Variants in AMMECR1 observed in about 807,000 individuals in gnomAD.
AMMECR1 encodes AMMECR nuclear protein 1.
Under a neutral mutation model 22.5 loss-of-function variants are expected in AMMECR1, and 3 were observed. The observed-to-expected ratio is 0.13, with a 90% CI of 0.06 to 0.35. The LOEUF is 0.35. Ranked by LOEUF, AMMECR1 falls within the 10% of genes least tolerant of loss-of-function variation. The probability of loss-of-function intolerance (pLI) is 1.00; values close to 1 mark genes in which losing one functional copy is unlikely to be tolerated. For synonymous variants in AMMECR1, 130 were observed against 116.7 expected, an observed-to-expected ratio of 1.11 and a Z score of -0.74; for missense variants, 235 against 278.7, an observed-to-expected ratio of 0.84 and a Z score of 1.12.
At chrX:110,384,241 G>A (rs886815380) in intron 2 of AMMECR1, among the ~76,000 whole-genome samples, 5 of 110,976 alleles carry the variant, frequency 4.5e-5, no homozygotes, top group Non-Finnish European at 9.4e-5. Context: ...CTGGTGTTAA[G>A]TATGGGCTCA....
chrX:110,397,999 T>C (rs1402346573), intron 2 of AMMECR1, among the ~76,000 whole-genome samples: 1 of 112,196 alleles, frequency 8.9e-6, no homozygotes, highest in Non-Finnish European at 1.9e-5. Flanking sequence ...TACCTGCAAG[T>C]CTTAGCATCC....
intron 2 of AMMECR1, among the ~76,000 whole-genome samples, chrX:110,232,889 C>CAAAAA (rs775605567): frequency 4.2e-4 from 5 of 11,920 alleles, no homozygotes; most frequent in African/African-American, 8.7e-4. Flanking sequence ...GACTCAGTCT[C>CAAAAA]AAAAAAAAAA....
intron 2 of AMMECR1, among the ~76,000 whole-genome samples, chrX:110,241,594 T>G (rs988406718): frequency 4.6e-5 from 5 of 109,689 alleles, no homozygotes; most frequent in African/African-American, 1.7e-4. Context: ...CTCACTCACA[T>G]GTAGGAGTTG....
chrX:110,334,711 C>T (rs1015397762), intron 2 of AMMECR1, among the ~76,000 whole-genome samples: 2 of 112,129 alleles, frequency 1.8e-5, no homozygotes, highest in Non-Finnish European at 3.8e-5. Context: ...CCATTATGAA[C>T]TACATCTTCA....
At chrX:110,422,679 T>C (rs978454738) in intron 2 of AMMECR1, among the ~76,000 whole-genome samples, 28 of 112,349 alleles carry the variant, frequency 2.5e-4, no homozygotes, top group Non-Finnish European at 4.1e-4. Context: ...ACAACCTTGT[T>C]GGGTCTCTTG....
At chrX:110,206,353 A>G (rs1416536836) in intron 3 of AMMECR1, among the ~76,000 whole-genome samples, 1 of 112,224 alleles carries the variant, frequency 8.9e-6, no homozygotes, top group Non-Finnish European at 1.9e-5. Context: ...ATTTAAAACT[A>G]TTATCCTCTA....
chrX:110,250,108 ATCATT>A (rs753276545), intron 2 of AMMECR1, among the ~76,000 whole-genome samples: 8 of 112,396 alleles, frequency 7.1e-5, no homozygotes, highest in African/African-American at 1.9e-4. Flanking sequence ...TTACAAAATG[ATCATT>A]TCATTACAGG....
upstream of AMMECR1, among the ~76,000 whole-genome samples, chrX:110,320,534 T>C (rs1602895430): frequency 1.8e-5 from 2 of 112,134 alleles, no homozygotes; most frequent in Middle Eastern, 9.2e-3. Flanking sequence ...CAATTTAGAA[T>C]TTGGCCAGTA....
chrX:110,233,980 G>A (rs773019816), intron 2 of AMMECR1, among the ~76,000 whole-genome samples: 2 of 111,981 alleles, frequency 1.8e-5, no homozygotes, highest in Admixed American at 9.5e-5. Flanking sequence ...TCTGGCTAGG[G>A]CAATCAGGCA....
chrX:110,404,366 C>T (rs2068584084), intron 2 of AMMECR1, among the ~76,000 whole-genome samples: 1 of 111,733 alleles, frequency 8.9e-6, no homozygotes, highest in South Asian at 3.8e-4. Context: ...AGCTATTACA[C>T]ATAATAGGCC....
At chrX:110,349,140 C>T (rs978759168) in intron 2 of AMMECR1, among the ~76,000 whole-genome samples, 2 of 111,649 alleles carry the variant, frequency 1.8e-5, no homozygotes, top group African/African-American at 6.5e-5. Context: ...CTAATGCATG[C>T]CTTATAATAA....
chrX:110,275,648 T>C (rs2067822245), intron 1 of AMMECR1, among the ~76,000 whole-genome samples: 3 of 110,404 alleles, frequency 2.7e-5, no homozygotes, highest in Admixed American at 1.9e-4. Flanking sequence ...CTGACCAACA[T>C]GGAGAAACCC....
At chrX:110,377,738 T>C (rs1345476198) in intron 2 of AMMECR1, among the ~76,000 whole-genome samples, 1 of 111,639 alleles carries the variant, frequency 9.0e-6, no homozygotes, top group Non-Finnish European at 1.9e-5. Context: ...TGAATTTTAA[T>C]ATCTACCTCC....
At chrX:110,233,445 C>T (rs1350418083) in intron 2 of AMMECR1, among the ~76,000 whole-genome samples, 1 of 112,099 alleles carries the variant, frequency 8.9e-6, no homozygotes, top group African/African-American at 3.2e-5. Context: ...CTATGCCAAT[C>T]AATAGAAAAA....
chrX:110,304,769 T>G (rs905628885), intron 1 of AMMECR1, among the ~76,000 whole-genome samples: 8 of 112,133 alleles, frequency 7.1e-5, no homozygotes, highest in Non-Finnish European at 1.5e-4. Flanking sequence ...TCCCAATGCT[T>G]GTTATAGCTA....
chrX:110,434,826 C>T (rs1014497824), intron 1 of AMMECR1, among the ~76,000 whole-genome samples: 3 of 110,336 alleles, frequency 2.7e-5, no homozygotes, highest in African/African-American at 9.9e-5. Flanking sequence ...TGGGGTTTCT[C>T]CTCTCCCATT....
chrX:110,259,833 C>T (rs1347331851), intron 2 of AMMECR1, among the ~76,000 whole-genome samples: 3 of 110,562 alleles, frequency 2.7e-5, no homozygotes, highest in East Asian at 2.8e-4. Flanking sequence ...CCTCGTGATC[C>T]GCTGGCCTGG....
intron 2 of AMMECR1, among the ~76,000 whole-genome samples, chrX:110,229,819 C>G (rs12849513): frequency 0.012 from 1,380 of 112,457 alleles, 6 homozygotes; most frequent in Non-Finnish European, 0.02. Context: ...ATGCTTTTAC[C>G]AAGGTCTTAG....
chrX:110,324,951 A>T (rs186622378), intron 2 of AMMECR1, among the ~76,000 whole-genome samples: 2 of 110,454 alleles, frequency 1.8e-5, no homozygotes, highest in East Asian at 5.7e-4. Flanking sequence ...CAGTGGTCTG[A>T]GTTTTCTTTT....
Sources: allele counts gnomAD v4.1 joint callset (sites outside exome capture counted in the v4.1 genomes callset), GRCh38; gene constraint gnomAD v4.1.1; transcripts MANE v1.5; gene names NCBI Gene and HGNC (gene_info 2026-07-23, HGNC 2026-07-21).